The following WDR27 variants were observed in gnomAD, a reference collection of about 807,000 sequenced individuals.
The protein encoded by WDR27 is WD repeat domain 27.
Under a neutral mutation model 114.4 loss-of-function variants are expected in WDR27, and 100 were observed. The ratio of observed to expected loss-of-function variants is 0.87; its 90% confidence interval spans 0.74 to 1.03. The LOEUF (loss-of-function observed/expected upper bound fraction) is 1.03. WDR27 is among the 50% of genes least tolerant of loss of function. The pLI is 0.00. For missense variants in WDR27, 1,129 were observed against 1,092.9 expected, an observed-to-expected ratio of 1.03 and a Z score of -0.47; for synonymous variants, 449 against 423.1, an observed-to-expected ratio of 1.06 and a Z score of -0.75.
Position 169,477,949 on chromosome 6 carries a change from C to T in WDR27, c.2646-20315G>A, listed in dbSNP as rs141681399. On this transcript the variant is annotated intron_variant, in intron 25 of 25. Coordinates refer to ENST00000448612, the MANE Select transcript of WDR27 (RefSeq NM_182552.5). ...AATGTGACATATCTATGCAATGGAA[C>T]TTGACTTGGCAATAAAAAAAACTAT... Among the ~76,000 whole-genome samples, 8 of 152,248 alleles carry T rather than the reference C, an allele frequency of 5.3e-5. No homozygotes were observed. The East Asian group carries it at 9.6e-4, about 18-fold the overall frequency.
At chr6:169,670,425 T>C (rs1778396665) in intron 4 of WDR27, 144 bp downstream of exon 4, 1 of 842,114 alleles carries the variant, frequency 1.2e-6, no homozygotes, top group African/African-American at 1.7e-5. Flanking sequence ...AGATATGATT[T>C]TATAAAAGTA....
At chr6:169,444,013 C>T in the WDR27 span, among the ~76,000 whole-genome samples, 1 of 152,174 alleles carries the variant, frequency 6.6e-6, no homozygotes, top group African/African-American at 2.4e-5. Flanking sequence ...GAGCAGGTTG[C>T]AGTCAACGTG....
intron 25 of WDR27, among the ~76,000 whole-genome samples, chr6:169,529,128 A>C (rs965769942): frequency 3.3e-5 from 5 of 152,200 alleles, no homozygotes; most frequent in African/African-American, 1.2e-4. Flanking sequence ...GCACCCACAT[A>C]AAAGAATTAT....
At chr6:169,653,606 T>G (rs1823202588) in intron 13 of WDR27, among the ~76,000 whole-genome samples, 1 of 152,214 alleles carries the variant, frequency 6.6e-6, no homozygotes, top group Non-Finnish European at 1.5e-5. Context: ...TACTGCTATT[T>G]AAAAAGTGAA....
At chr6:169,663,023 G>A (rs1264497682) in intron 8 of WDR27, among the ~76,000 whole-genome samples, 1 of 150,998 alleles carries the variant, frequency 6.6e-6, no homozygotes, top group Non-Finnish European at 1.5e-5. Flanking sequence ...GTCGAGGAAA[G>A]CACAAAGGTA....
chr6:169,667,389 A>C, intron 5 of WDR27: 2 of 1,227,122 alleles, frequency 1.6e-6, no homozygotes, highest in Non-Finnish European at 2.0e-6. Context: ...AAATAACATC[A>C]CTTCCATAAA....
chr6:169,620,065 C>T (rs1812744140), intron 21 of WDR27, among the ~76,000 whole-genome samples: 2 of 152,156 alleles, frequency 1.3e-5, no homozygotes, highest in Non-Finnish European at 2.9e-5. Context: ...AAATAAAACC[C>T]ATCTGACGAG....
the WDR27 span, among the ~76,000 whole-genome samples, chr6:169,435,525 T>C: frequency 1.3e-5 from 2 of 152,250 alleles, no homozygotes; most frequent in Non-Finnish European, 2.9e-5. Flanking sequence ...ACCTCCTGTA[T>C]GAGTGTGACC....
chr6:169,688,244 T>G (rs1256767602), intron 2 of WDR27, among the ~76,000 whole-genome samples: 1 of 152,176 alleles, frequency 6.6e-6, no homozygotes, highest in African/African-American at 2.4e-5. Flanking sequence ...ATAAACATGC[T>G]GATTAATCAA....
At chr6:169,556,914 C>T (rs1297707544) in intron 25 of WDR27, among the ~76,000 whole-genome samples, 3 of 152,170 alleles carry the variant, frequency 2.0e-5, no homozygotes, top group African/African-American at 7.2e-5. Context: ...AAAGAAACCA[C>T]ATGTAACTGA....
In WDR27 at chr6:169,469,366, G is replaced by A. The variant is rs570772337; in HGVS notation, c.2646-11732C>T. Reference sequence around the variant, plus strand: ...AAGGGAGAAACAGGAAAGAAGGAAGGGGTGACAGGTCCCAAGGAAGCCCAA... The same window carrying A: ...AAGGGAGAAACAGGAAAGAAGGAAGAGGTGACAGGTCCCAAGGAAGCCCAA... On this transcript the variant is annotated intron_variant, in intron 25 of 25. Coordinates refer to ENST00000448612, the MANE Select transcript of WDR27 (RefSeq NM_182552.5). 2.2e-3 allele frequency among the ~76,000 whole-genome samples: 331 copies of A among 152,302 alleles called. 1 individual carries two copies. The highest frequency in any genetic ancestry group is 3.3e-3 in the Non-Finnish European group (223 of 68,030).
intron 13 of WDR27, among the ~76,000 whole-genome samples, chr6:169,653,027 G>C (rs985477145): frequency 2.0e-5 from 3 of 152,230 alleles, no homozygotes; most frequent in African/African-American, 7.2e-5. Context: ...CTTCACGACA[G>C]GTTGTGTGCA....
In WDR27 at chr6:169,652,900, CA is replaced by C. The variant is rs1477665689; in HGVS notation, c.1403-893del. Among the ~76,000 whole-genome samples the C allele has an allele frequency of 3.3e-5, 5 of 152,274 alleles. No individual in the cohort carries two copies. The East Asian group carries it at 5.8e-4, about 18-fold the overall frequency. On this transcript the variant is annotated intron_variant, in intron 13 of 25. Transcript: ENST00000448612. ...TCTGAAACGAGATGACCCTTGTTGACAAAAAGTTTAAAAATTCCACTTTTAA... is the reference window on the plus strand; with the variant it reads ...TCTGAAACGAGATGACCCTTGTTGACAAAAGTTTAAAAATTCCACTTTTAA...
At chr6:169,472,558 G>A (rs1786570446) in intron 25 of WDR27, among the ~76,000 whole-genome samples, 1 of 151,962 alleles carries the variant, frequency 6.6e-6, no homozygotes, top group Non-Finnish European at 1.5e-5. Context: ...TATATATAAA[G>A]CATTTATCAT....
At chr6:169,503,927 T>C (rs959372612) in intron 25 of WDR27, among the ~76,000 whole-genome samples, 30 of 152,064 alleles carry the variant, frequency 2.0e-4, no homozygotes, top group African/African-American at 7.0e-4. Context: ...AAGGAAGTCA[T>C]GCTAATAAGT....
chr6:169,509,599 C>T (rs1231627819), intron 25 of WDR27, among the ~76,000 whole-genome samples: 1 of 151,526 alleles, frequency 6.6e-6, no homozygotes, highest in Non-Finnish European at 1.5e-5. Flanking sequence ...GAAACTGGAT[C>T]CCTTCCTTAC....
At chr6:169,546,404 C>T (rs1797460705) in intron 25 of WDR27, among the ~76,000 whole-genome samples, 1 of 152,172 alleles carries the variant, frequency 6.6e-6, no homozygotes, top group South Asian at 2.1e-4. Context: ...AGCTGGTACA[C>T]TGTCAGCCTC....
In WDR27 at chr6:169,482,631, C is replaced by T. The variant is rs182946547; in HGVS notation, c.2646-24997G>A. Among the ~76,000 whole-genome samples the T allele has an allele frequency of 1.2e-3, 176 of 152,212 alleles. 1 individual carries two copies. Among genetic ancestry groups the T allele is most frequent in the Non-Finnish European group, 1.1e-3 (73 of 68,022 alleles). On this transcript the variant is annotated intron_variant, in intron 25 of 25. Transcript: ENST00000448612. ...GACAGTATTAGACAGGTCATCAAGG[C>T]AGAAAATTAACAAAGATATTCAGGA...
chr6:169,469,327 C>T (rs1311168148), intron 25 of WDR27, among the ~76,000 whole-genome samples: 1 of 152,322 alleles, frequency 6.6e-6, no homozygotes, highest in East Asian at 1.9e-4. Flanking sequence ...ATAACATAGA[C>T]ATTCCCATCC....
Sources: gnomAD v4.1 joint callset for allele counts (sites outside exome capture counted in the v4.1 genomes callset) on GRCh38, gnomAD v4.1.1 for gene constraint, MANE v1.5 for transcripts, NCBI Gene and HGNC (gene_info 2026-07-23, HGNC 2026-07-21) for gene names.